Variants in EVI5 observed in about 807,000 individuals in gnomAD.
The protein encoded by EVI5 is ecotropic viral integration site 5 protein homolog.
A neutral mutation model predicts 112.0 loss-of-function variants in EVI5; 73 were observed. That is an observed-to-expected ratio of 0.65 (90% CI 0.54 to 0.79). The LOEUF is 0.79. Among genes scored for constraint, EVI5 ranks in the 30% least tolerant of loss-of-function variants. EVI5 has a pLI of 0.00. For missense variants in EVI5, 900 were observed against 968.8 expected (o/e 0.93, Z 0.94); for synonymous variants, 305 against 319.9 (o/e 0.95, Z 0.50).
At chr1:92,744,663 A>G (rs946365996) in intron 1 of EVI5, among the ~76,000 whole-genome samples, 15 of 151,618 alleles carry the variant, frequency 9.9e-5, no homozygotes, top group African/African-American at 3.4e-4. Flanking sequence ...GGCAGACTTG[A>G]AGACAATCTG....
intron 2 of EVI5, among the ~76,000 whole-genome samples, chr1:92,736,187 T>C (rs1677401012): frequency 6.6e-6 from 1 of 152,082 alleles, no homozygotes; most frequent in South Asian, 2.1e-4. Context: ...GAATTTGCTA[T>C]ATTAAGAAAA....
At chr1:92,682,156 C>T (rs979089023) in intron 9 of EVI5, among the ~76,000 whole-genome samples, 107 of 152,088 alleles carry the variant, frequency 7.0e-4, no homozygotes, top group African/African-American at 2.5e-3. Flanking sequence ...CACATTCTTG[C>T]CTCAGTCTTT....
chr1:92,770,141 T>A (rs938556907), intron 1 of EVI5, among the ~76,000 whole-genome samples: 12 of 152,192 alleles, frequency 7.9e-5, no homozygotes, highest in African/African-American at 2.9e-4. Flanking sequence ...CCAGCCCTGC[T>A]ACAATCTTGA....
intron 1 of EVI5, among the ~76,000 whole-genome samples, chr1:92,771,676 G>A (rs866399748): frequency 1.4e-4 from 20 of 147,400 alleles, no homozygotes; most frequent in African/African-American, 4.0e-4. Flanking sequence ...GCACGATCTC[G>A]GCTCACCACA....
intron 18 of EVI5, among the ~76,000 whole-genome samples, chr1:92,585,589 C>T (rs998394093): frequency 2.0e-5 from 3 of 152,078 alleles, no homozygotes; most frequent in African/African-American, 7.2e-5. Context: ...GTGACCAATA[C>T]TTAAAATTTG....
intron 18 of EVI5, among the ~76,000 whole-genome samples, chr1:92,590,677 G>A (rs574522286): frequency 1.3e-5 from 2 of 152,260 alleles, no homozygotes; most frequent in Admixed American, 6.5e-5. Flanking sequence ...GAACCAAGGT[G>A]GAAAACACTC....
intron 18 of EVI5, among the ~76,000 whole-genome samples, chr1:92,596,622 A>C (rs546658645): frequency 6.6e-6 from 1 of 152,318 alleles, no homozygotes; most frequent in South Asian, 2.1e-4. Flanking sequence ...CATGGTGGAC[A>C]GAAAGAAGCT....
At position 92,511,934 on chromosome 1, in the gene EVI5, A is replaced by G. The variant is rs1557683881; in HGVS notation, c.*1722T>C. 1.3e-5 allele frequency: 2 copies of G among 152,146 alleles called. No homozygotes were observed. Among genetic ancestry groups the G allele is most frequent in the Non-Finnish European group, 2.9e-5 (2 of 68,010 alleles). 9.4% of individuals were successfully genotyped at this position (152,146 alleles called of 1,614,324 possible). Reference sequence around the variant, plus strand: ...TATTTTTTTTTTTGCCGCATGCAACATACTGTGCAAAACTGTGCCTCCATA... The same window carrying G: ...TATTTTTTTTTTTGCCGCATGCAACGTACTGTGCAAAACTGTGCCTCCATA... On this transcript the variant is annotated 3_prime_UTR_variant, in exon 20 of 20. Coordinates refer to ENST00000684568, the MANE Select transcript of EVI5 (RefSeq NM_001350197.2).
chr1:92,568,713 T>C (rs943980357), intron 18 of EVI5, among the ~76,000 whole-genome samples: 3 of 152,268 alleles, frequency 2.0e-5, no homozygotes, highest in Non-Finnish European at 2.9e-5. Flanking sequence ...CTCTTCCTCC[T>C]CCTCCTCAGC....
intron 1 of EVI5, among the ~76,000 whole-genome samples, chr1:92,737,248 G>C (rs1374369522): frequency 6.6e-6 from 1 of 152,192 alleles, no homozygotes; most frequent in Non-Finnish European, 1.5e-5. Flanking sequence ...TGGGTTAATA[G>C]AATGAGAGGG....
rs542602583 is a variant in EVI5, at chr1:92,589,926, G to A, written c.2070+15381C>T. Among the ~76,000 whole-genome samples, 485 of 152,286 alleles carry A rather than the reference G, an allele frequency of 3.2e-3. 3 individuals are homozygous for A. Among genetic ancestry groups the A allele is most frequent in the Non-Finnish European group, 3.3e-3 (224 of 68,030 alleles). On this transcript the variant is annotated intron_variant, in intron 18 of 19. Coordinates refer to ENST00000684568, the MANE Select transcript of EVI5 (RefSeq NM_001350197.2). ...CCCCTCTGAGACAAAGCTTCCAGAG[G>A]AACGATCAGGCAGCAACATTTGCTG...
chr1:92,732,811 A>C (rs1676697844), intron 2 of EVI5, among the ~76,000 whole-genome samples: 1 of 147,354 alleles, frequency 6.8e-6, no homozygotes, highest in Non-Finnish European at 1.5e-5. Context: ...GAGGGAGAAG[A>C]ATTGCTTGAA....
intron 1 of EVI5, among the ~76,000 whole-genome samples, chr1:92,741,133 T>C (rs1323698331): frequency 1.3e-5 from 2 of 152,212 alleles, no homozygotes; most frequent in Non-Finnish European, 2.9e-5. Context: ...TGCTATAAAG[T>C]AGGTATTACT....
At chr1:92,784,421 AC>A in intron 1 of EVI5, 1 of 985,342 alleles carries the variant, frequency 1.0e-6, no homozygotes, top group Non-Finnish European at 1.2e-6. Context: ...AAAGACGCCA[AC>A]TTTGCAAGTC....
At chr1:92,747,189 C>T (rs1042604858) in intron 1 of EVI5, among the ~76,000 whole-genome samples, 8 of 152,008 alleles carry the variant, frequency 5.3e-5, no homozygotes, top group African/African-American at 7.2e-5. Context: ...ACAGCATTTA[C>T]ATTGTATTAG....
intron 19 of EVI5, among the ~76,000 whole-genome samples, chr1:92,534,724 A>AG (rs1663540291): frequency 6.6e-6 from 1 of 152,246 alleles, no homozygotes; most frequent in African/African-American, 2.4e-5. Flanking sequence ...AGCCATATCC[A>AG]GAAAGCTGAA....
At chr1:92,728,409 C>T (rs927486325) in intron 2 of EVI5, among the ~76,000 whole-genome samples, 23 of 147,118 alleles carry the variant, frequency 1.6e-4, no homozygotes, top group Non-Finnish European at 3.3e-4. Context: ...GAGACAAAGT[C>T]TCGCTCTGTC....
intron 12 of EVI5, among the ~76,000 whole-genome samples, chr1:92,663,116 C>T (rs562355400): frequency 1.3e-5 from 2 of 152,208 alleles, no homozygotes; most frequent in Non-Finnish European, 2.9e-5. Context: ...TGCAATATTA[C>T]TGAGTTGTAC....
intron 1 of EVI5, among the ~76,000 whole-genome samples, chr1:92,752,859 A>C (rs376778819): frequency 4.6e-5 from 7 of 152,190 alleles, no homozygotes; most frequent in African/African-American, 1.7e-4. Flanking sequence ...CTGAACAAGA[A>C]TTTATTTAGA....
Sources: allele counts gnomAD v4.1 joint callset (sites outside exome capture counted in the v4.1 genomes callset), GRCh38; gene constraint gnomAD v4.1.1; transcripts MANE v1.5; gene names NCBI Gene and HGNC (gene_info 2026-07-23, HGNC 2026-07-21).